Variants in DGCR2 observed in about 807,000 individuals in gnomAD.
DGCR2 encodes the protein integral membrane protein DGCR2/IDD.
In DGCR2, 24 loss-of-function variants were observed where a neutral mutation model predicts 51.6. The ratio of observed to expected loss-of-function variants is 0.47; its 90% CI spans 0.34 to 0.65. DGCR2 has a LOEUF of 0.65. Among genes scored for constraint, DGCR2 ranks in the 30% least tolerant of loss-of-function variants. The pLI, the probability that DGCR2 is intolerant of heterozygous loss-of-function variation, is 0.01. For missense variants in DGCR2, 765 were observed against 772.1 expected (o/e 0.99, Z 0.11); for synonymous variants, 340 against 315.4 (o/e 1.08, Z -0.82).
chr22:19,039,384 C>T (rs1005690513), intron 9 of DGCR2, among the ~76,000 whole-genome samples: 1 of 152,190 alleles, frequency 6.6e-6, no homozygotes, highest in East Asian at 1.9e-4. Flanking sequence ...AAGGCAGACA[C>T]GGGCCTGTCC....
chr22:19,041,928 G>A lies in DGCR2; in HGVS notation c.1038C>T (p.Ser346=), dbSNP rs746094665. The stretch of plus-strand genomic sequence containing the variant: ...TGCAGCTGACGACCAGGCGCATCCC[G>A]CTGGCCATGGAGTCAAACAGACTGT... ...DGNSLFDSMA[S]GMRLVVSCIS... Residue 346 remains serine, a synonymous_variant, in exon 8 of 10, where the codon AGC becomes AGT. Transcript: ENST00000263196. 14 of 1,613,058 alleles carry A rather than the reference G, an allele frequency of 8.7e-6. No homozygotes were observed. Among genetic ancestry groups the A allele is most frequent in the African/African-American group, 2.7e-5 (2 of 74,908 alleles).
rs563720324 is a variant in DGCR2 at position 19,054,976 on chromosome 22, C to T, written c.802+2010G>A. 3.3e-5 allele frequency among the ~76,000 whole-genome samples: 5 copies of T among 152,022 alleles called. No homozygotes were observed. In the East Asian group the frequency reaches 5.8e-4, roughly 18 times the overall value. On this transcript the variant is annotated intron_variant, in intron 6 of 9. Transcript: ENST00000263196. ...ACTAAAAATACAAAAATTAGCCAGGCGTGGTGGCACATGTCTGTAATCCCA... is the reference window on the plus strand; with the variant it reads ...ACTAAAAATACAAAAATTAGCCAGGTGTGGTGGCACATGTCTGTAATCCCA...
chr22:19,093,833 C>T (rs1486489792), intron 1 of DGCR2, among the ~76,000 whole-genome samples: 1 of 151,566 alleles, frequency 6.6e-6, no homozygotes, highest in African/African-American at 2.4e-5. Context: ...CTCATCTCTA[C>T]ATTACAAAAA....
chr22:19,040,977 C>A, intron 9 of DGCR2, 81 bp downstream of exon 9: 1 of 1,286,942 alleles, frequency 7.8e-7, no homozygotes, highest in Non-Finnish European at 1.1e-6. Flanking sequence ...TAGGCCTCTG[C>A]AGCTGGGCAA....
chr22:19,076,724 ATTT>A (rs1165827499), intron 2 of DGCR2, among the ~76,000 whole-genome samples: 11 of 79,946 alleles, frequency 1.4e-4, no homozygotes, highest in Admixed American at 5.2e-4. Flanking sequence ...TCCTTTGCAC[ATTT>A]TTTTTTTTTT....
At chr22:19,073,085 T>C (rs1431317393) in intron 2 of DGCR2, among the ~76,000 whole-genome samples, 1 of 151,930 alleles carries the variant, frequency 6.6e-6, no homozygotes, top group African/African-American at 2.4e-5. Context: ...AGCAAGACCC[T>C]GTCTCTATGA....
chr22:19,084,393 G>A (rs954223395), intron 2 of DGCR2, among the ~76,000 whole-genome samples: 1 of 151,158 alleles, frequency 6.6e-6, no homozygotes, highest in Non-Finnish European at 1.5e-5. Context: ...GAGGTGAGGA[G>A]CGTCTCCGCC....
chr22:19,100,033 G>A (rs1236591086), intron 1 of DGCR2, among the ~76,000 whole-genome samples: 1 of 151,640 alleles, frequency 6.6e-6, no homozygotes, highest in Non-Finnish European at 1.5e-5. Flanking sequence ...CAGCACTTTG[G>A]GAGGCCAAGG....
intron 9 of DGCR2, among the ~76,000 whole-genome samples, 185 bp downstream of exon 9, chr22:19,040,873 C>G (rs2082422880): frequency 1.3e-5 from 2 of 152,182 alleles, no homozygotes; most frequent in South Asian, 4.1e-4. Context: ...CAAGGGCGGC[C>G]AGGCAGGGAG....
intron 5 of DGCR2, among the ~76,000 whole-genome samples, chr22:19,059,694 G>C (rs2107298): frequency 0.095 from 14,376 of 152,078 alleles, 750 homozygotes; most frequent in Middle Eastern, 0.15. Flanking sequence ...GTCCACACAT[G>C]AGGTGTGCGC....
At chr22:19,119,735 CAA>C (rs57362176) in intron 1 of DGCR2, among the ~76,000 whole-genome samples, 5 of 78,146 alleles carry the variant, frequency 6.4e-5, no homozygotes, top group Non-Finnish European at 1.0e-4. Flanking sequence ...GACTCTGTCT[CAA>C]AAAAAAAAAA....
At position 19,065,088 on chromosome 22, in the gene DGCR2, T is replaced by G. The variant is rs2082733540; in HGVS notation, c.329-21A>C. ...GAAACATAAAGGACAGAAGGGGAGT[T>G]GTCCCCCAAGTTAGGATCCAGCTCC... On this transcript the variant is annotated intron_variant, in intron 3 of 9. Coordinates refer to ENST00000263196, the MANE Select transcript of DGCR2 (RefSeq NM_005137.3). The G allele has an allele frequency of 3.1e-6, 5 of 1,608,830 alleles. No homozygotes were observed. In the Middle Eastern group the frequency reaches 6.6e-4, roughly 212 times the overall value.
chr22:19,059,017 A>G (rs1489592911), intron 5 of DGCR2, among the ~76,000 whole-genome samples: 3 of 152,182 alleles, frequency 2.0e-5, no homozygotes, highest in African/African-American at 7.2e-5. Context: ...AGCCTTGCAG[A>G]GCGGGCAGGT....
rs531950475 is a variant in DGCR2, at chr22:19,110,303, G to A, written c.79+11825C>T. Among the ~76,000 whole-genome samples the A allele has an allele frequency of 3.3e-5, 5 of 152,324 alleles. No homozygotes were observed. In the South Asian group the frequency reaches 1.0e-3, roughly 32 times the overall value. Reference sequence around the variant, plus strand: ...AAGACAGCATCAGCTAAGAACCAAGGCAGGGACTGCAGGAACAGGCTGCGG... The same window carrying A: ...AAGACAGCATCAGCTAAGAACCAAGACAGGGACTGCAGGAACAGGCTGCGG... On this transcript the variant is annotated intron_variant, in intron 1 of 9. Transcript: ENST00000263196.
At chr22:19,084,807 G>GT (rs1235964735) in intron 2 of DGCR2, among the ~76,000 whole-genome samples, 1 of 111,470 alleles carries the variant, frequency 9.0e-6, no homozygotes, top group Non-Finnish European at 1.7e-5. Flanking sequence ...CGGGAAGGAG[G>GT]TGGGGGGGCG....
At chr22:19,064,758 T>C in intron 4 of DGCR2, 90 bp downstream of exon 4, 1 of 1,279,984 alleles carries the variant, frequency 7.8e-7, no homozygotes. Context: ...CCAGCTGTGC[T>C]CCAGGAGTTT....
intron 3 of DGCR2, among the ~76,000 whole-genome samples, chr22:19,066,646 T>A (rs1480404532): frequency 6.6e-6 from 1 of 152,058 alleles, no homozygotes. Flanking sequence ...GAGGAAGCCC[T>A]GTAGGGAGGG....
At chr22:19,086,899 G>A (rs1452439545) in intron 2 of DGCR2, among the ~76,000 whole-genome samples, 1 of 152,168 alleles carries the variant, frequency 6.6e-6, no homozygotes, top group African/African-American at 2.4e-5. Flanking sequence ...TGAACAAGGT[G>A]GCAACTATGA....
At chr22:19,041,997 G>A (rs757343258) in intron 7 of DGCR2, 38 bp from the exon 8 acceptor site, 3 of 1,598,720 alleles carry the variant, frequency 1.9e-6, no homozygotes, top group Non-Finnish European at 2.6e-6. Flanking sequence ...TCTGAGAAGG[G>A]GGCCACCCTC....
Sources: allele counts gnomAD v4.1 joint callset (sites outside exome capture counted in the v4.1 genomes callset), GRCh38; gene constraint gnomAD v4.1.1; transcripts MANE v1.5; gene names NCBI Gene and HGNC (gene_info 2026-07-23, HGNC 2026-07-21).